Variants in DPP10 observed in about 807,000 individuals in gnomAD.
The protein encoded by DPP10 is inactive dipeptidyl peptidase 10.
A neutral mutation model predicts 120.9 loss-of-function variants in DPP10; 33 were observed. The ratio of observed to expected loss-of-function variants is 0.27; its 90% confidence interval spans 0.21 to 0.37. DPP10 has a LOEUF of 0.37. DPP10 is among the 10% of genes least tolerant of loss of function. The pLI is 1.00. For synonymous variants in DPP10, 337 were observed against 326.1 expected, an observed-to-expected ratio of 1.03 and a Z score of -0.36; for missense variants, 816 against 942.8, an observed-to-expected ratio of 0.87 and a Z score of 1.76.
chr2:114,847,120 G>A (rs934936988), intron 1 of DPP10, among the ~76,000 whole-genome samples: 4 of 151,892 alleles, frequency 2.6e-5, no homozygotes, highest in Admixed American at 2.0e-4. Flanking sequence ...GGGATCCTCC[G>A]GCCTCAGCCA....
At chr2:114,807,378 A>G (rs1330889718) in intron 1 of DPP10, among the ~76,000 whole-genome samples, 2 of 152,176 alleles carry the variant, frequency 1.3e-5, no homozygotes, top group Admixed American at 6.5e-5. Flanking sequence ...CATCACCTCA[A>G]ACATTTATTT....
chr2:115,671,407 G>A (rs1293238717), intron 5 of DPP10, among the ~76,000 whole-genome samples: 2 of 151,766 alleles, frequency 1.3e-5, no homozygotes, highest in East Asian at 1.9e-4. Context: ...CTTGAACTAG[G>A]ACTTAAATAA....
At chr2:114,562,993 A>T (rs887354653) in intron 1 of DPP10, among the ~76,000 whole-genome samples, 2 of 152,252 alleles carry the variant, frequency 1.3e-5, no homozygotes, top group African/African-American at 4.8e-5. Flanking sequence ...ATGCAATAAC[A>T]TCTACAGGGC....
chr2:115,489,926 G>T lies in DPP10; in HGVS notation c.272-9584G>T, dbSNP rs554104921. 1.7e-4 allele frequency among the ~76,000 whole-genome samples: 26 copies of T among 152,182 alleles called. 1 individual carries two copies. In the South Asian group the frequency reaches 5.4e-3, roughly 32 times the overall value. The stretch of plus-strand genomic sequence containing the variant: ...CTCTGAGGCTTCATCTGCATAAAAA[G>T]AGCCTTGGCCTTTACAACCCCCTTT... On this transcript the variant is annotated intron_variant, in intron 3 of 25. Coordinates refer to ENST00000410059, the MANE Select transcript of DPP10 (RefSeq NM_020868.6).
At chr2:114,677,470 A>G (rs1248160683) in intron 1 of DPP10, among the ~76,000 whole-genome samples, 1 of 152,130 alleles carries the variant, frequency 6.6e-6, no homozygotes, top group Non-Finnish European at 1.5e-5. Flanking sequence ...TAAAGGAAAA[A>G]TAACTAACAT....
At chr2:115,314,063 A>G (rs999810568) in intron 2 of DPP10, among the ~76,000 whole-genome samples, 1 of 152,206 alleles carries the variant, frequency 6.6e-6, no homozygotes, top group Non-Finnish European at 1.5e-5. Context: ...TTGTTTTTAC[A>G]TTTAATATGT....
intron 5 of DPP10, among the ~76,000 whole-genome samples, chr2:115,630,994 G>A (rs13389327): frequency 0.23 from 33,410 of 145,632 alleles, 4,190 homozygotes; most frequent in East Asian, 0.39. Flanking sequence ...GCTCCTCTTT[G>A]TACTTCTGGT....
intron 1 of DPP10, among the ~76,000 whole-genome samples, chr2:114,863,157 A>G (rs1202420525): frequency 6.6e-6 from 1 of 152,126 alleles, no homozygotes; most frequent in East Asian, 1.9e-4. Flanking sequence ...TCAGTGCTCT[A>G]TGTGTCCCCT....
At position 115,309,224 on chromosome 2, in the gene DPP10, T is replaced by C. The variant is rs1329766146; in HGVS notation, c.61-15T>C. On this transcript the variant is annotated splice_polypyrimidine_tract_variant and intron_variant, in intron 1 of 25. Coordinates refer to ENST00000410059, the MANE Select transcript of DPP10 (RefSeq NM_020868.6). Reference sequence around the variant, plus strand: ...AGCATGAATAATTACAAAACTTTTTTTTCTATCTCGGTAGGAACTGGGAAG... The same window carrying C: ...AGCATGAATAATTACAAAACTTTTTCTTCTATCTCGGTAGGAACTGGGAAG... 1.2e-6 allele frequency: 2 copies of C among 1,607,020 alleles called. No homozygotes were observed. Among genetic ancestry groups the C allele is most frequent in the Admixed American group, 1.7e-5 (1 of 58,828 alleles).
chr2:114,663,234 C>A (rs989399068), intron 1 of DPP10, among the ~76,000 whole-genome samples: 2 of 138,916 alleles, frequency 1.4e-5, no homozygotes, highest in South Asian at 2.3e-4. Flanking sequence ...ATATTAAGAG[C>A]CTTGTGTGTG....
intron 1 of DPP10, among the ~76,000 whole-genome samples, chr2:115,183,813 A>T (rs1441572125): frequency 1.3e-5 from 2 of 152,166 alleles, no homozygotes; most frequent in Non-Finnish European, 2.9e-5. Context: ...AAGAGCTCTA[A>T]AAGCTAGATC....
At chr2:115,165,186 C>T (rs1270060974) in intron 1 of DPP10, among the ~76,000 whole-genome samples, 5 of 152,120 alleles carry the variant, frequency 3.3e-5, no homozygotes, top group African/African-American at 4.8e-5. Context: ...TCTTAGGGTT[C>T]ATAAAGTAAC....
chr2:114,759,527 G>T (rs749020128), intron 1 of DPP10, among the ~76,000 whole-genome samples: 6 of 150,214 alleles, frequency 4.0e-5, no homozygotes, highest in Non-Finnish European at 8.9e-5. Context: ...GTCTCTTGGT[G>T]GCCACTGCTA....
chr2:115,167,765 A>G (rs561748932), intron 1 of DPP10, among the ~76,000 whole-genome samples: 3 of 152,228 alleles, frequency 2.0e-5, no homozygotes, highest in Non-Finnish European at 2.9e-5. Flanking sequence ...TTGGACATCA[A>G]TCCTATTTTG....
At chr2:114,704,753 C>T (rs564240563) in intron 1 of DPP10, among the ~76,000 whole-genome samples, 1 of 152,242 alleles carries the variant, frequency 6.6e-6, no homozygotes, top group South Asian at 2.1e-4. Flanking sequence ...GGGTTATGGA[C>T]TGAATTGTAT....
chr2:114,662,071 C>G, intron 1 of DPP10, among the ~76,000 whole-genome samples: 1 of 151,900 alleles, frequency 6.6e-6, no homozygotes, highest in Non-Finnish European at 1.5e-5. Context: ...GGCCGGCTGC[C>G]CCTCCCTCTG....
chr2:115,701,473 A>G (rs553506699), intron 7 of DPP10, among the ~76,000 whole-genome samples: 7 of 152,224 alleles, frequency 4.6e-5, no homozygotes, highest in South Asian at 2.1e-4. Flanking sequence ...CTCTAAAACT[A>G]TAAAACTTTT....
chr2:115,584,742 G>C (rs959432152), intron 5 of DPP10, among the ~76,000 whole-genome samples: 5 of 152,068 alleles, frequency 3.3e-5, no homozygotes, highest in Admixed American at 3.3e-4. Context: ...TCCAGGCGAG[G>C]GATTACAATT....
At chr2:115,295,257 T>G (rs1208795890) in intron 1 of DPP10, among the ~76,000 whole-genome samples, 3 of 152,046 alleles carry the variant, frequency 2.0e-5, no homozygotes, top group Non-Finnish European at 4.4e-5. Context: ...CACAAAAATT[T>G]CAGCCAGAAA....
Sources: gnomAD v4.1 joint callset for allele counts (sites outside exome capture counted in the v4.1 genomes callset) on GRCh38, gnomAD v4.1.1 for gene constraint, MANE v1.5 for transcripts, NCBI Gene and HGNC (gene_info 2026-07-23, HGNC 2026-07-21) for gene names.